ERBB4: variants seen among roughly 807,000 people sequenced by gnomAD.
The protein encoded by ERBB4 is receptor tyrosine-protein kinase erbB-4.
In ERBB4, 42 loss-of-function variants were observed where a neutral mutation model predicts 158.0. The ratio of observed to expected loss-of-function variants is 0.27; its 90% CI spans 0.21 to 0.34. ERBB4 has a LOEUF of 0.34. ERBB4 is among the 10% of genes least tolerant of loss of function. The pLI is 1.00. For missense variants in ERBB4, 1,333 were observed against 1,624.1 expected (o/e 0.82, Z 3.08); for synonymous variants, 583 against 558.7 (o/e 1.04, Z -0.61).
chr2:211,875,346 C>T (rs745779301), intron 3 of ERBB4, among the ~76,000 whole-genome samples: 8 of 152,222 alleles, frequency 5.3e-5, no homozygotes, highest in Non-Finnish European at 8.8e-5. Flanking sequence ...TACAAAGAGT[C>T]TTTAGCTTTC....
intron 1 of ERBB4, among the ~76,000 whole-genome samples, chr2:212,140,650 C>T (rs1050534858): frequency 6.6e-6 from 1 of 150,526 alleles, no homozygotes; most frequent in African/African-American, 2.4e-5. Context: ...TTTAATAGAA[C>T]ATTATTTTAG....
intron 1 of ERBB4, among the ~76,000 whole-genome samples, chr2:212,504,939 T>C (rs1283734169): frequency 6.6e-6 from 1 of 152,236 alleles, no homozygotes; most frequent in Non-Finnish European, 1.5e-5. Context: ...AAAATATGTA[T>C]GTAAAGTTAT....
In ERBB4 at chr2:211,387,132, C is replaced by G. The variant is rs2062702254; in HGVS notation, c.3202G>C (p.Asp1068His). The change falls in exon 27 of 28, where the codon GAT becomes CAT. Residue 1068 changes from aspartate (D) to histidine (H), a missense_variant. By Grantham distance (81) the Asp-to-His change is moderately conservative. Coordinates refer to ENST00000342788, the MANE Select transcript of ERBB4 (RefSeq NM_005235.3). ...CCTTGTTCAGCAGCAAAACCTCCAT[C>G]TCGGTATACAAACTGGTTCTGTTAA... Reference protein sequence around the residue: ...PMSGNQFVYRDGGFAAEQGVS... With the variant: ...PMSGNQFVYRHGGFAAEQGVS... The G allele has an allele frequency of 6.2e-7, 1 of 1,613,630 alleles. No individual in the cohort carries two copies. The highest frequency in any genetic ancestry group is 8.5e-7 in the Non-Finnish European group (1 of 1,179,548).
At chr2:212,409,816 T>C (rs2091446964) in intron 1 of ERBB4, among the ~76,000 whole-genome samples, 1 of 152,066 alleles carries the variant, frequency 6.6e-6, no homozygotes, top group South Asian at 2.1e-4. Flanking sequence ...ATCATTATGG[T>C]TCAGTTATAA....
At chr2:211,885,484 C>T (rs868224426) in intron 3 of ERBB4, among the ~76,000 whole-genome samples, 1 of 151,792 alleles carries the variant, frequency 6.6e-6, no homozygotes. Flanking sequence ...AAGACAGGCT[C>T]TCACTCTGTC....
chr2:212,062,853 G>A (rs1370959201), intron 2 of ERBB4, among the ~76,000 whole-genome samples: 1 of 152,144 alleles, frequency 6.6e-6, no homozygotes, highest in African/African-American at 2.4e-5. Context: ...ACTGGCCTGT[G>A]TATAATGTCA....
intron 7 of ERBB4, among the ~76,000 whole-genome samples, chr2:211,716,925 C>T (rs947105667): frequency 6.6e-6 from 1 of 152,122 alleles, no homozygotes; most frequent in Non-Finnish European, 1.5e-5. Flanking sequence ...GTAAACAAGT[C>T]AGGTAATTTC....
chr2:211,825,883 AT>A (rs1190930014), intron 3 of ERBB4, among the ~76,000 whole-genome samples: 1 of 147,506 alleles, frequency 6.8e-6, no homozygotes, highest in Non-Finnish European at 1.5e-5. Context: ...ATATAGATTA[AT>A]TATATTATAT....
intron 2 of ERBB4, among the ~76,000 whole-genome samples, chr2:211,998,399 C>T (rs2076020642): frequency 6.6e-6 from 1 of 151,624 alleles, no homozygotes; most frequent in African/African-American, 2.4e-5. Flanking sequence ...CATTATCTTA[C>T]TTGGTCCTTA....
chr2:212,219,923 T>C (rs1001026115), intron 1 of ERBB4, among the ~76,000 whole-genome samples: 1 of 147,560 alleles, frequency 6.8e-6, no homozygotes, highest in African/African-American at 2.5e-5. Context: ...AACATTTAAT[T>C]CAGGAATGAA....
At chr2:212,276,252 T>C (rs2085531132) in intron 1 of ERBB4, among the ~76,000 whole-genome samples, 1 of 151,738 alleles carries the variant, frequency 6.6e-6, no homozygotes, top group African/African-American at 2.4e-5. Flanking sequence ...TTAATTTAAT[T>C]AAAGAAATTA....
At chr2:211,713,086 A>T (rs1249361302) in intron 8 of ERBB4, among the ~76,000 whole-genome samples, 1 of 152,112 alleles carries the variant, frequency 6.6e-6, no homozygotes, top group Admixed American at 6.6e-5. Flanking sequence ...CATTTCATAG[A>T]TCTCATCTTT....
chr2:211,552,934 A>G (rs539961271), intron 20 of ERBB4, among the ~76,000 whole-genome samples: 2 of 151,826 alleles, frequency 1.3e-5, no homozygotes, highest in Non-Finnish European at 2.9e-5. Flanking sequence ...TTGCCAGTTC[A>G]CTGGTGGTTT....
At chr2:212,447,529 G>A (rs2092379571) in intron 1 of ERBB4, among the ~76,000 whole-genome samples, 2 of 151,908 alleles carry the variant, frequency 1.3e-5, no homozygotes, top group Admixed American at 1.3e-4. Flanking sequence ...AACATTCTTA[G>A]GTATCCTTAA....
intron 19 of ERBB4, among the ~76,000 whole-genome samples, chr2:211,579,770 G>A (rs1407760000): frequency 6.6e-6 from 1 of 151,416 alleles, no homozygotes; most frequent in Non-Finnish European, 1.5e-5. Context: ...GACACAGGGA[G>A]AGGAAAAACA....
intron 3 of ERBB4, among the ~76,000 whole-genome samples, chr2:211,939,966 A>AAAAATATAT (rs1491239788): frequency 7.3e-6 from 1 of 137,386 alleles, no homozygotes. Flanking sequence ...GGAAAAAAAA[A>AAAAATATAT]ATATATATAT....
chr2:212,210,002 C>T (rs2082883456), intron 1 of ERBB4, among the ~76,000 whole-genome samples: 1 of 151,964 alleles, frequency 6.6e-6, no homozygotes, highest in South Asian at 2.1e-4. Flanking sequence ...GTAGAAAAGT[C>T]AGCATGGAAA....
intron 1 of ERBB4, among the ~76,000 whole-genome samples, chr2:212,271,380 T>C (rs2085338382): frequency 6.6e-6 from 1 of 151,798 alleles, no homozygotes; most frequent in African/African-American, 2.4e-5. Context: ...TCATATGTGG[T>C]ATTTTTCTAA....
chr2:211,754,210 A>G (rs1431100224), intron 4 of ERBB4, among the ~76,000 whole-genome samples: 2 of 150,910 alleles, frequency 1.3e-5, no homozygotes, highest in Non-Finnish European at 2.9e-5. Context: ...TGTCATATTC[A>G]GTGTGAATTA....
Sources: allele counts gnomAD v4.1 joint callset (sites outside exome capture counted in the v4.1 genomes callset), GRCh38; gene constraint gnomAD v4.1.1; transcripts MANE v1.5; gene names NCBI Gene and HGNC (gene_info 2026-07-23, HGNC 2026-07-21).